PCDHA6: variants seen among roughly 807,000 people sequenced by gnomAD.
The protein encoded by PCDHA6 is protocadherin alpha 6.
Under a neutral mutation model 60.3 loss-of-function variants are expected in PCDHA6, and 55 were observed. That is an observed-to-expected ratio of 0.91 (90% CI 0.73 to 1.14). The LOEUF is 1.14. PCDHA6 is among the 50% of genes most tolerant of loss of function. PCDHA6 has a pLI of 0.00. For synonymous variants in PCDHA6, 652 were observed against 557.9 expected (o/e 1.17, Z -2.38); for missense variants, 1,327 against 1,256.5 (o/e 1.06, Z -0.85).
rs374520361 is a variant in PCDHA6, at chr5:140,870,742, A to C, written c.2394+40257A>C. 10 of 1,613,406 alleles carry C rather than the reference A, an allele frequency of 6.2e-6. No homozygotes were observed. In the African/African-American group the frequency reaches 1.1e-4, roughly 17 times the overall value. On this transcript the variant is annotated intron_variant, in intron 1 of 3. Transcript: ENST00000529310. ...TGCGGGCGTGCCGCCTCTGAGCAGC[A>C]ACGTGACGCTGCAGGTGTTCGTGCT...
intron 1 of PCDHA6, chr5:140,871,052 T>C (rs981101486): frequency 6.2e-7 from 1 of 1,613,156 alleles, no homozygotes; most frequent in Non-Finnish European, 8.5e-7. Flanking sequence ...CTAGTACTGG[T>C]GAAGGATCAC....
intron 1 of PCDHA6, chr5:140,869,322 C>G (rs1169893950): frequency 6.2e-7 from 1 of 1,613,820 alleles, no homozygotes; most frequent in Admixed American, 1.7e-5. Flanking sequence ...CACATGGGGA[C>G]CTTCTGGAGG....
intron 1 of PCDHA6, among the ~76,000 whole-genome samples, chr5:140,920,717 G>A (rs1042476401): frequency 1.3e-5 from 2 of 152,044 alleles, no homozygotes; most frequent in African/African-American, 2.4e-5. Flanking sequence ...GGTGGTGTGC[G>A]CCTGCAGTCC....
At chr5:140,903,149 T>C (rs1329505317) in intron 1 of PCDHA6, among the ~76,000 whole-genome samples, 1 of 152,242 alleles carries the variant, frequency 6.6e-6, no homozygotes, top group Non-Finnish European at 1.5e-5. Context: ...CTGTTTTCCA[T>C]AGTGGTTGTG....
intron 1 of PCDHA6, chr5:140,968,131 G>A (rs1485866692): frequency 1.2e-6 from 2 of 1,614,042 alleles, no homozygotes; most frequent in African/African-American, 1.3e-5. Context: ...TGCGTACACT[G>A]AAGGTTGAGA....
At chr5:140,998,903 G>A (rs1465203456) in intron 3 of PCDHA6, among the ~76,000 whole-genome samples, 9 of 152,156 alleles carry the variant, frequency 5.9e-5, no homozygotes, top group African/African-American at 1.7e-4. Flanking sequence ...CAATGCCTCC[G>A]GGAGGTAGCT....
intron 1 of PCDHA6, chr5:140,969,211 A>T: frequency 6.2e-7 from 1 of 1,614,206 alleles, no homozygotes; most frequent in Non-Finnish European, 8.5e-7. Context: ...GGGCCCAGAC[A>T]GGACCAGGGC....
At chr5:140,967,618 G>T in intron 1 of PCDHA6, 3 of 1,614,174 alleles carry the variant, frequency 1.9e-6, no homozygotes, top group Non-Finnish European at 2.5e-6. Context: ...CCTCAGACCC[G>T]GATGAGGGCT....
chr5:140,928,161 C>A, intron 1 of PCDHA6: 3 of 1,613,960 alleles, frequency 1.9e-6, no homozygotes, highest in East Asian at 2.2e-5. Context: ...GTGGCTCACC[C>A]CCACTTAGCA....
chr5:140,897,769 C>T (rs1441051679), intron 1 of PCDHA6, among the ~76,000 whole-genome samples: 2 of 152,198 alleles, frequency 1.3e-5, no homozygotes, highest in Non-Finnish European at 2.9e-5. Flanking sequence ...GCCACACTGA[C>T]TTCCACAATG....
rs782133260 is a variant in PCDHA6 at position 140,856,504 on chromosome 5, A to G, written c.2394+26019A>G. 3.8e-6 allele frequency: 6 copies of G among 1,598,348 alleles called. 1 individual carries two copies. The highest frequency in any genetic ancestry group is 8.6e-7 in the Non-Finnish European group (1 of 1,167,852). ...CCAGACTGCTTGACTCTCGATTTCC[A>G]CTAGAAGGCGCATCTGATGCGGATG... On this transcript the variant is annotated intron_variant, in intron 1 of 3. Transcript: ENST00000529310.
intron 1 of PCDHA6, chr5:140,834,473 G>C: frequency 6.2e-7 from 1 of 1,614,140 alleles, no homozygotes; most frequent in Non-Finnish European, 8.5e-7. Context: ...GGAGAGGCCA[G>C]CTCCACTACT....
In PCDHA6 at chr5:141,012,013, G is replaced by A. The variant is rs181445737; in HGVS notation, c.*2076G>A. 25 of 153,796 alleles carry A rather than the reference G, an allele frequency of 1.6e-4. No homozygotes were observed. The highest frequency in any genetic ancestry group is 2.1e-4 in the South Asian group (1 of 4,818). 9.5% of individuals were successfully genotyped at this position (153,796 alleles called of 1,614,324 possible). A position where few individuals can be genotyped will look rare whatever the true frequency, so the allele number is the denominator to read the frequency against. ...CATTCTCCCATATTTTGAAGGGTGTGTAACTTCAGCTCTGCAGGATTGCAT... is the reference window on the plus strand; with the variant it reads ...CATTCTCCCATATTTTGAAGGGTGTATAACTTCAGCTCTGCAGGATTGCAT... On this transcript the variant is annotated 3_prime_UTR_variant, in exon 4 of 4. Transcript: ENST00000529310.
In PCDHA6 at chr5:140,844,228, G is replaced by A. The variant is rs1179181710; in HGVS notation, c.2394+13743G>A. The stretch of plus-strand genomic sequence containing the variant: ...TCTGGTAGTCACAAATATCTTTGGT[G>A]TTTCACTATTGCCGTTTTAAGCAGT... On this transcript the variant is annotated intron_variant, in intron 1 of 3. Transcript: ENST00000529310. Among the ~76,000 whole-genome samples the A allele has an allele frequency of 2.0e-5, 3 of 149,332 alleles. 1 individual carries two copies. Among genetic ancestry groups the A allele is most frequent in the Non-Finnish European group, 3.0e-5 (2 of 66,778 alleles).
chr5:140,836,406 G>A (rs2150259956), intron 1 of PCDHA6: 4 of 1,613,782 alleles, frequency 2.5e-6, no homozygotes, highest in Middle Eastern at 1.6e-4. Context: ...AAGCGGCCAG[G>A]CACCAAAGGC....
chr5:140,966,149 G>C (rs1347243484), intron 1 of PCDHA6: 1 of 167,682 alleles, frequency 6.0e-6, no homozygotes, highest in Non-Finnish European at 1.3e-5. Flanking sequence ...TTCCTGAATT[G>C]CGCTTGGAGA....
intron 3 of PCDHA6, among the ~76,000 whole-genome samples, chr5:141,001,710 G>A (rs1422821009): frequency 6.6e-6 from 1 of 152,208 alleles, no homozygotes; most frequent in Non-Finnish European, 1.5e-5. Flanking sequence ...AGGGGGCGGG[G>A]AAGGAGCTTG....
chr5:140,828,532 G>T lies in PCDHA6; in HGVS notation c.441G>T (p.Leu147=). ...GAGTGCTGATTTACGAATCTAGGCT[G>T]CCAGATTCTGTGTTTCCACTGGAGG... The part of the protein sequence containing the change: ...EQRVLIYESR[L]PDSVFPLEGA... The change falls in exon 1 of 4, where the codon CTG becomes CTT. Residue 147 remains leucine, a synonymous_variant. Transcript: ENST00000529310. 6.2e-7 allele frequency: 1 copy of T among 1,614,280 alleles called. No homozygotes were observed. The highest frequency in any genetic ancestry group is 8.5e-7 in the Non-Finnish European group (1 of 1,180,044).
chr5:140,835,553 GC>G (rs1562346657), intron 1 of PCDHA6: 4 of 1,613,754 alleles, frequency 2.5e-6, no homozygotes, highest in Non-Finnish European at 3.4e-6. Flanking sequence ...GCTCCCTGAC[GC>G]CCCGCGTTCC....
Sources: allele counts gnomAD v4.1 joint callset (sites outside exome capture counted in the v4.1 genomes callset), GRCh38; gene constraint gnomAD v4.1.1; transcripts MANE v1.5; gene names NCBI Gene and HGNC (gene_info 2026-07-23, HGNC 2026-07-21).